The following COL25A1 variants were observed in gnomAD, a reference collection of about 807,000 sequenced individuals.
COL25A1 encodes collagen type XXV alpha 1 chain.
In COL25A1, 103 loss-of-function variants were observed where a neutral mutation model predicts 128.4. The observed-to-expected ratio is 0.80, with a 90% CI of 0.68 to 0.94. The LOEUF (loss-of-function observed/expected upper bound fraction) is 0.94, where lower values mean the gene tolerates loss of function less well. Ranked by LOEUF, COL25A1 falls within the 40% of genes least tolerant of loss-of-function variation. The pLI is 0.00. For missense variants in COL25A1, 745 were observed against 840.0 expected (o/e 0.89, Z 1.40); for synonymous variants, 279 against 277.2 (o/e 1.01, Z -0.06).
At chr4:109,287,042 C>A (rs1578642864) in intron 3 of COL25A1, among the ~76,000 whole-genome samples, 2 of 152,108 alleles carry the variant, frequency 1.3e-5, no homozygotes, top group Admixed American at 1.3e-4. Context: ...TGCAAAGTAT[C>A]ATAATACACA....
chr4:109,143,659 T>C (rs542382100), intron 3 of COL25A1, among the ~76,000 whole-genome samples: 2 of 152,312 alleles, frequency 1.3e-5, no homozygotes, highest in South Asian at 4.1e-4. Flanking sequence ...TAAGCTAATC[T>C]TCAATCTCTG....
intron 18 of COL25A1, 40 bp from the exon 19 acceptor site, chr4:108,884,262 A>G (rs1740499352): frequency 6.5e-7 from 1 of 1,547,498 alleles, no homozygotes; most frequent in South Asian, 1.1e-5. Context: ...AATGATATTC[A>G]CTCAGTCACA....
At chr4:108,824,411 T>G (rs908736216) in intron 34 of COL25A1, among the ~76,000 whole-genome samples, 184 bp from the exon 35 acceptor site, 5 of 152,240 alleles carry the variant, frequency 3.3e-5, no homozygotes, top group Non-Finnish European at 7.3e-5. Context: ...CTCAATTATC[T>G]ATACACAACA....
chr4:109,069,525 G>A (rs1224535739), intron 3 of COL25A1, among the ~76,000 whole-genome samples: 6 of 152,090 alleles, frequency 3.9e-5, no homozygotes, highest in Non-Finnish European at 7.3e-5. Context: ...GGAATTTCAC[G>A]TCAACTTTTA....
intron 3 of COL25A1, among the ~76,000 whole-genome samples, chr4:109,273,234 T>C (rs975363299): frequency 2.0e-5 from 3 of 152,228 alleles, no homozygotes; most frequent in African/African-American, 4.8e-5. Context: ...GCAAAGATTA[T>C]AGTAATTGTC....
intron 6 of COL25A1, among the ~76,000 whole-genome samples, chr4:109,001,221 C>T (rs1196043490): frequency 6.6e-6 from 1 of 152,190 alleles, no homozygotes; most frequent in Non-Finnish European, 1.5e-5. Context: ...GTTGATAGTA[C>T]ACTCAATCCT....
At chr4:108,971,446 TAGTTAGAGA>T (rs1275355273) in intron 8 of COL25A1, among the ~76,000 whole-genome samples, 6 of 152,104 alleles carry the variant, frequency 3.9e-5, no homozygotes, top group South Asian at 4.2e-4. Context: ...TCAGATTGAG[TAGTTAGAGA>T]AGTTCTCTCA....
chr4:109,081,989 G>A (rs1415954038), intron 3 of COL25A1, among the ~76,000 whole-genome samples: 2 of 152,184 alleles, frequency 1.3e-5, no homozygotes, highest in Admixed American at 1.3e-4. Context: ...ACAGGTGTGA[G>A]CCACCGCGCG....
chr4:108,892,007 A>T (rs1380756222), intron 16 of COL25A1, among the ~76,000 whole-genome samples: 3 of 151,900 alleles, frequency 2.0e-5, no homozygotes, highest in Non-Finnish European at 4.4e-5. Context: ...TTTTTTAAAG[A>T]CTTAGAACTG....
chr4:109,041,509 C>T (rs1759892167), intron 5 of COL25A1, among the ~76,000 whole-genome samples: 1 of 147,038 alleles, frequency 6.8e-6, no homozygotes, highest in Non-Finnish European at 1.5e-5. Flanking sequence ...GTATGTTTCT[C>T]TGATGATTTC....
intron 19 of COL25A1, among the ~76,000 whole-genome samples, chr4:108,883,497 G>A (rs1033337069): frequency 6.6e-6 from 1 of 152,192 alleles, no homozygotes; most frequent in Non-Finnish European, 1.5e-5. Flanking sequence ...AGCAACTACA[G>A]CTAAGGCAGT....
chr4:108,829,834 C>T (rs376985731), intron 32 of COL25A1, among the ~76,000 whole-genome samples: 68 of 152,238 alleles, frequency 4.5e-4, no homozygotes, highest in African/African-American at 1.6e-3. Flanking sequence ...AATGAGGTGT[C>T]AGGGGCATCA....
chr4:108,925,716 G>A (rs1745973330), intron 11 of COL25A1, among the ~76,000 whole-genome samples: 1 of 152,134 alleles, frequency 6.6e-6, no homozygotes, highest in South Asian at 2.1e-4. Context: ...AGAAATGGCA[G>A]GATTTTTCAC....
At chr4:109,265,215 G>A (rs753789886) in intron 3 of COL25A1, among the ~76,000 whole-genome samples, 4 of 152,124 alleles carry the variant, frequency 2.6e-5, no homozygotes, top group Non-Finnish European at 5.9e-5. Context: ...AGCTATATCT[G>A]TTTTAACTCT....
rs75444524 is a variant in COL25A1, at chr4:109,204,364, C to T, written c.367+96219G>A. ...AATTTGAGATAATAATTCTGAAAGA[C>T]GTTGTATGAAGGAATCAGAAAAAGG... On this transcript the variant is annotated intron_variant, in intron 3 of 37. Coordinates refer to ENST00000399132, the MANE Select transcript of COL25A1 (RefSeq NM_198721.4). 0.011 allele frequency among the ~76,000 whole-genome samples: 1,651 copies of T among 152,118 alleles called. 60 individuals are homozygous for T. In the South Asian group the frequency reaches 0.14, roughly 13 times the overall value.
At position 108,822,043 on chromosome 4, in the gene COL25A1, A is replaced by ATTTTTTTTTTTTTTTTTT. The variant is rs10567518; in HGVS notation, c.1845+2130_1845+2131insAAAAAAAAAAAAAAAAAA. ...AAACGTGAGTATCCTCCTAATGGTA[A>ATTTTTTTTTTTTTTTTTT]TTTTTTTTTTTTTTTTTGGGACAGG... On this transcript the variant is annotated intron_variant, in intron 35 of 37. Transcript: ENST00000399132. Among the ~76,000 whole-genome samples, 272 of 89,936 alleles carry ATTTTTTTTTTTTTTTTTT rather than the reference A, an allele frequency of 3.0e-3. 39 individuals carry two copies. Among genetic ancestry groups the ATTTTTTTTTTTTTTTTTT allele is most frequent in the Middle Eastern group, 9.3e-3 (1 of 108 alleles). 59.0% of individuals were successfully genotyped at this position (89,936 alleles called of 152,430 possible). A position where few individuals can be genotyped will look rare whatever the true frequency, so the allele number is the denominator to read the frequency against.
intron 3 of COL25A1, among the ~76,000 whole-genome samples, chr4:109,062,909 T>C (rs1274039997): frequency 6.6e-6 from 1 of 152,250 alleles, no homozygotes; most frequent in Admixed American, 6.5e-5. Flanking sequence ...GAATATTTTA[T>C]GCTGAGATAA....
intron 19 of COL25A1, among the ~76,000 whole-genome samples, chr4:108,881,370 A>G (rs1245753780): frequency 1.3e-5 from 2 of 152,118 alleles, no homozygotes; most frequent in Non-Finnish European, 2.9e-5. Flanking sequence ...CTTCCCTGGT[A>G]TGTCATGACT....
rs528130081 is a variant in COL25A1 at position 109,115,783 on chromosome 4, T to C, written c.368-65604A>G. 2.0e-5 allele frequency among the ~76,000 whole-genome samples: 3 copies of C among 152,058 alleles called. No individual in the cohort carries two copies. In the South Asian group the frequency reaches 6.2e-4, roughly 32 times the overall value. ...CAAATACTAGTTCCCAAACTATCAA[T>C]GTGAAAAGGAGACCAAGCAGCACTG... is the stretch of plus-strand genomic sequence containing the variant. On this transcript the variant is annotated intron_variant, in intron 3 of 37. Transcript: ENST00000399132.
Sources: allele counts gnomAD v4.1 joint callset (sites outside exome capture counted in the v4.1 genomes callset), GRCh38; gene constraint gnomAD v4.1.1; transcripts MANE v1.5; gene names NCBI Gene and HGNC (gene_info 2026-07-23, HGNC 2026-07-21).